IPO9: variants seen among roughly 807,000 people sequenced by gnomAD.
IPO9 encodes the protein importin-9.
IPO9 carries 28 observed loss-of-function variants against 128.6 expected under a neutral mutation model. The ratio of observed to expected loss-of-function variants is 0.22; its 90% CI spans 0.16 to 0.30. The LOEUF is 0.30. Among genes scored for constraint, IPO9 ranks in the 10% least tolerant of loss-of-function variants. The pLI is 1.00. For synonymous variants in IPO9, 455 were observed against 475.8 expected (o/e 0.96, Z 0.57); for missense variants, 935 against 1,293.9 (o/e 0.72, Z 4.26).
At chr1:201,848,980 G>A (rs919956563) in intron 4 of IPO9, among the ~76,000 whole-genome samples, 1 of 152,078 alleles carries the variant, frequency 6.6e-6, no homozygotes, top group African/African-American at 2.4e-5. Context: ...TTAAATGTTA[G>A]CTAATCTATC....
chr1:201,858,632 T>C, intron 12 of IPO9, 79 bp downstream of exon 12: 3 of 935,288 alleles, frequency 3.2e-6, no homozygotes, highest in Non-Finnish European at 4.8e-6. Context: ...GATTTATTTT[T>C]ATCTTAATTT....
At chr1:201,867,059 AGC>A in intron 15 of IPO9, 100 bp downstream of exon 15, 1 of 985,538 alleles carries the variant, frequency 1.0e-6, no homozygotes, top group Non-Finnish European at 1.6e-6. Context: ...TTAGCTATGA[AGC>A]TATGGTTTTA....
intron 1 of IPO9, among the ~76,000 whole-genome samples, chr1:201,829,858 G>C (rs1177470357): frequency 6.6e-6 from 1 of 152,152 alleles, no homozygotes; most frequent in Non-Finnish European, 1.5e-5. Flanking sequence ...ACAAGTTTCT[G>C]CCTCTGAGTT....
At chr1:201,851,021 T>C (rs115873477) in intron 4 of IPO9, among the ~76,000 whole-genome samples, 1,723 of 152,138 alleles carry the variant, frequency 0.011, 36 homozygotes, top group African/African-American at 0.039. Context: ...TTTATTTATT[T>C]ATTTATTTAT....
chr1:201,869,568 T>C (rs1384887670), intron 16 of IPO9, 22 bp from the exon 17 acceptor site: 12 of 1,613,456 alleles, frequency 7.4e-6, no homozygotes, highest in African/African-American at 1.3e-5. Context: ...ATTCTGACTT[T>C]TCTTTTTCTT....
rs1558219879 is a variant in IPO9 at position 201,854,873 on chromosome 1, G to A, written c.861G>A (p.Met287Ile). 6.2e-7 allele frequency: 1 copy of A among 1,611,576 alleles called. No homozygotes were observed. The highest frequency in any genetic ancestry group is 1.3e-5 in the African/African-American group (1 of 74,712). ...KNFPKHMVSS[M>I]QQILPIVWNT... Reference sequence around the variant, plus strand: ...TCCCAAAGCACATGGTGTCCTCCATGCAGCAGATTCTGCCTATTGTTTGGA... The same window carrying A: ...TCCCAAAGCACATGGTGTCCTCCATACAGCAGATTCTGCCTATTGTTTGGA... Residue 287 changes from methionine (M) to isoleucine (I), a missense_variant, in exon 8 of 24, where the codon ATG becomes ATA. Around this residue, in one of 3 missense-constraint regions of IPO9, gnomAD observed 741 missense variants for 1,019.1 expected, o/e 0.73. Coordinates refer to ENST00000361565, the MANE Select transcript of IPO9 (RefSeq NM_018085.5).
At chr1:201,856,017 C>T (rs1015872718) in intron 10 of IPO9, 83 bp downstream of exon 10, 9 of 986,272 alleles carry the variant, frequency 9.1e-6, no homozygotes, top group Non-Finnish European at 1.3e-5. Flanking sequence ...CAGGTGAACA[C>T]TTTATTTCTA....
At chr1:201,863,403 G>C (rs1422254291) in intron 13 of IPO9, 45 bp from the exon 14 acceptor site, 1 of 1,503,164 alleles carries the variant, frequency 6.7e-7, no homozygotes, top group Admixed American at 1.9e-5. Flanking sequence ...ACAAGTAAAA[G>C]GAATTTTCAT....
At chr1:201,846,465 C>A (rs1043995662) in intron 1 of IPO9, among the ~76,000 whole-genome samples, 1 of 151,814 alleles carries the variant, frequency 6.6e-6, no homozygotes, top group African/African-American at 2.4e-5. Flanking sequence ...CTCTGCCTCC[C>A]AGGTTCAAAC....
chr1:201,873,314 G>A (rs1424222582), intron 20 of IPO9, among the ~76,000 whole-genome samples: 1 of 151,866 alleles, frequency 6.6e-6, no homozygotes, highest in Non-Finnish European at 1.5e-5. Context: ...GCATGGTGGT[G>A]GGCGCCTGTA....
At position 201,870,553 on chromosome 1, in the gene IPO9, T is replaced by C. The variant is rs1680629609; in HGVS notation, c.2134-30T>C. The C allele has an allele frequency of 6.2e-7, 1 of 1,601,472 alleles. No individual in the cohort carries two copies. The highest frequency in any genetic ancestry group is 8.5e-7 in the Non-Finnish European group (1 of 1,171,502). On this transcript the variant is annotated intron_variant, in intron 17 of 23. Coordinates refer to ENST00000361565, the MANE Select transcript of IPO9 (RefSeq NM_018085.5). This position sits in a 1 kb window ranked among gnomAD's most constrained non-coding sequence, Gnocchi z 4.9. Reference sequence around the variant, plus strand: ...CTTCTGGCATCTGTCCCTCGATTACTAATCTTGCTTGCCACCCCTGTCTCC... The same window carrying C: ...CTTCTGGCATCTGTCCCTCGATTACCAATCTTGCTTGCCACCCCTGTCTCC...
chr1:201,884,037 G>T lies in IPO9; in HGVS notation c.*7983G>T, dbSNP rs41299585. 0.3 allele frequency: 45,550 copies of T among 152,136 alleles called. 7,513 individuals carry two copies. Among genetic ancestry groups the T allele is most frequent in the East Asian group, 0.41 (2,120 of 5,150 alleles). 9.4% of individuals were successfully genotyped at this position (152,136 alleles called of 1,614,324 possible). A position where few individuals can be genotyped will look rare whatever the true frequency, so the allele number is the denominator to read the frequency against. On this transcript the variant is annotated 3_prime_UTR_variant, in exon 24 of 24. Transcript: ENST00000361565. ...CCAAAAGAGGAAGCCAAGACCAGAG[G>T]GGGAGTGGTTCCTTCAAGTTTGCAG...
At chr1:201,858,333 A>T in intron 11 of IPO9, 114 bp from the exon 12 acceptor site, 2 of 521,284 alleles carry the variant, frequency 3.8e-6, no homozygotes, top group Non-Finnish European at 7.0e-6. Context: ...GGGTTTGCAC[A>T]TGTATGTGAA....
At chr1:201,841,942 G>T (rs1159731951) in intron 1 of IPO9, among the ~76,000 whole-genome samples, 1 of 152,190 alleles carries the variant, frequency 6.6e-6, no homozygotes, top group Non-Finnish European at 1.5e-5. Context: ...GAAGACTTCT[G>T]TGATCTCAAA....
At chr1:201,873,309 G>T (rs1170379131) in intron 20 of IPO9, among the ~76,000 whole-genome samples, 1 of 152,052 alleles carries the variant, frequency 6.6e-6, no homozygotes, top group East Asian at 1.9e-4. Flanking sequence ...GCCAGGCATG[G>T]TGGTGGGCGC....
intron 1 of IPO9, among the ~76,000 whole-genome samples, chr1:201,834,254 A>T (rs1420650678): frequency 6.8e-6 from 1 of 147,068 alleles, no homozygotes; most frequent in East Asian, 2.0e-4. Context: ...ATGCTTTCTA[A>T]TTCTGTTTTG....
In IPO9 at chr1:201,846,530, CCTGA is replaced by C. The variant is rs996714849; in HGVS notation, c.164-746_164-743del. Reference sequence around the variant, plus strand: ...GGGATTACAGGTGCCCGCTACCATGCCTGACTAATTTTTTTGTGTTTTTAGTAGA... The same window carrying C: ...GGGATTACAGGTGCCCGCTACCATGCCTAATTTTTTTGTGTTTTTAGTAGA... On this transcript the variant is annotated intron_variant, in intron 1 of 23. Coordinates refer to ENST00000361565, the MANE Select transcript of IPO9 (RefSeq NM_018085.5). Among the ~76,000 whole-genome samples, 9 of 152,098 alleles carry C rather than the reference CCTGA, an allele frequency of 5.9e-5. No individual in the cohort carries two copies. The East Asian group carries it at 7.7e-4, about 13-fold the overall frequency.
chr1:201,854,470 C>T (rs1680291701), intron 6 of IPO9, 125 bp from the exon 7 acceptor site: 4 of 1,223,436 alleles, frequency 3.3e-6, no homozygotes, highest in East Asian at 4.8e-5. Flanking sequence ...TAGCTATTCT[C>T]TTCTGATCAG....
At chr1:201,841,263 C>T (rs1300466544) in intron 1 of IPO9, among the ~76,000 whole-genome samples, 1 of 152,040 alleles carries the variant, frequency 6.6e-6, no homozygotes, top group Non-Finnish European at 1.5e-5. Context: ...AAACTATACA[C>T]CAAAATTGTA....
Sources: allele counts gnomAD v4.1 joint callset (sites outside exome capture counted in the v4.1 genomes callset), GRCh38; gene constraint gnomAD v4.1.1; regional missense constraint gnomAD v4.1.1; non-coding constraint Gnocchi (gnomAD v3.1); transcripts MANE v1.5; gene names NCBI Gene and HGNC (gene_info 2026-07-23, HGNC 2026-07-21).